The following DLGAP2 variants were observed in gnomAD, a reference collection of about 807,000 sequenced individuals.
The protein encoded by DLGAP2 is disks large-associated protein 2.
A neutral mutation model predicts 100.3 loss-of-function variants in DLGAP2; 26 were observed. The ratio of observed to expected loss-of-function variants is 0.26; its 90% CI spans 0.19 to 0.36. The LOEUF (loss-of-function observed/expected upper bound fraction) is 0.36, where lower values mean the gene tolerates loss of function less well. Ranked by LOEUF, DLGAP2 falls within the 10% of genes least tolerant of loss-of-function variation. DLGAP2 has a pLI of 1.00. For missense variants in DLGAP2, 1,858 were observed against 1,453.2 expected, an observed-to-expected ratio of 1.28 and a Z score of -4.53; for synonymous variants, 886 against 630.1, an observed-to-expected ratio of 1.41 and a Z score of -6.08.
At chr8:855,418 T>C (rs573530521) in intron 1 of DLGAP2, among the ~76,000 whole-genome samples, 1 of 152,230 alleles carries the variant, frequency 6.6e-6, no homozygotes, top group South Asian at 2.1e-4. Context: ...GCTGAATGAA[T>C]GAATGAGTGA....
At chr8:1,369,694 C>T (rs1328051638) in intron 3 of DLGAP2, 2 of 152,266 alleles carry the variant, frequency 1.3e-5, no homozygotes, top group African/African-American at 4.8e-5. Flanking sequence ...TATCTAGGCT[C>T]TTAGGAAGGC....
chr8:1,346,429 C>G (rs554814523), intron 3 of DLGAP2, among the ~76,000 whole-genome samples: 3 of 147,900 alleles, frequency 2.0e-5, no homozygotes, highest in Admixed American at 6.7e-5. Context: ...GTTGAGTTCC[C>G]TGTACACATC....
intron 2 of DLGAP2, among the ~76,000 whole-genome samples, chr8:1,255,613 G>A (rs1799183491): frequency 7.6e-6 from 1 of 131,966 alleles, no homozygotes; most frequent in Admixed American, 7.5e-5. Context: ...GTCCTCTCTT[G>A]CCTGGGTGCT....
At chr8:1,667,322 G>A (rs1341403617) in intron 8 of DLGAP2, among the ~76,000 whole-genome samples, 2 of 152,104 alleles carry the variant, frequency 1.3e-5, no homozygotes, top group Non-Finnish European at 2.9e-5. Flanking sequence ...CATCATCTCC[G>A]GATGCATTTA....
intron 8 of DLGAP2, among the ~76,000 whole-genome samples, chr8:1,648,903 G>T (rs1798102522): frequency 6.6e-6 from 1 of 152,198 alleles, no homozygotes; most frequent in Non-Finnish European, 1.5e-5. Context: ...GGGAAGAATT[G>T]TGGGGAAAAC....
intron 8 of DLGAP2, among the ~76,000 whole-genome samples, chr8:1,667,662 C>T (rs1172406564): frequency 2.2e-4 from 33 of 152,242 alleles, no homozygotes; most frequent in Admixed American, 2.2e-3. Context: ...TTAACATCTT[C>T]AGGTGCTGGT....
chr8:1,264,078 C>T (rs1585205343), intron 3 of DLGAP2, among the ~76,000 whole-genome samples: 3 of 152,252 alleles, frequency 2.0e-5, no homozygotes, highest in Admixed American at 6.5e-5. Context: ...ACTGAGTTGA[C>T]CCCTGTCCCA....
chr8:1,657,420 A>G (rs1244924027), intron 8 of DLGAP2, among the ~76,000 whole-genome samples: 1 of 152,280 alleles, frequency 6.6e-6, no homozygotes, highest in African/African-American at 2.4e-5. Flanking sequence ...AATGAAGACG[A>G]TTATTATCAC....
intron 3 of DLGAP2, among the ~76,000 whole-genome samples, chr8:1,324,867 G>A (rs1170389652): frequency 6.6e-6 from 1 of 152,150 alleles, no homozygotes; most frequent in Non-Finnish European, 1.5e-5. Context: ...TTTTCTTGCT[G>A]CAGAGAGCAC....
chr8:1,004,085 C>T (rs534282214), intron 2 of DLGAP2, among the ~76,000 whole-genome samples: 12 of 152,232 alleles, frequency 7.9e-5, no homozygotes, highest in Middle Eastern at 3.4e-3. Context: ...GGATTGTTTC[C>T]GATCTTTTGG....
At chr8:1,388,898 C>G (rs1480466534) in intron 3 of DLGAP2, among the ~76,000 whole-genome samples, 4 of 126,976 alleles carry the variant, frequency 3.2e-5, no homozygotes, top group Non-Finnish European at 4.9e-5. Flanking sequence ...AGTGTCAGGG[C>G]TGTGAGAGGC....
chr8:1,392,701 A>G (rs1159375014), intron 3 of DLGAP2, among the ~76,000 whole-genome samples: 1 of 152,192 alleles, frequency 6.6e-6, no homozygotes, highest in African/African-American at 2.4e-5. Flanking sequence ...CTGGGTCAGC[A>G]CATCTGCGTT....
At chr8:1,233,864 C>T (rs79143704) in intron 2 of DLGAP2, among the ~76,000 whole-genome samples, 4,143 of 152,240 alleles carry the variant, frequency 0.027, 77 homozygotes, top group African/African-American at 0.042. Flanking sequence ...CCACTGTCCT[C>T]TACACATGAT....
At chr8:1,186,614 A>C (rs1052308883) in intron 2 of DLGAP2, among the ~76,000 whole-genome samples, 2 of 151,828 alleles carry the variant, frequency 1.3e-5, no homozygotes, top group Non-Finnish European at 2.9e-5. Context: ...GTGTCTTCTG[A>C]GCTGATACTC....
At chr8:1,242,527 C>T (rs1036251125) in intron 2 of DLGAP2, among the ~76,000 whole-genome samples, 1 of 152,238 alleles carries the variant, frequency 6.6e-6, no homozygotes, top group Non-Finnish European at 1.5e-5. Context: ...CCTCTTCAAT[C>T]CTGCTGAGGT....
At chr8:1,336,680 G>T (rs543896307) in intron 3 of DLGAP2, among the ~76,000 whole-genome samples, 2 of 152,164 alleles carry the variant, frequency 1.3e-5, no homozygotes, top group African/African-American at 4.8e-5. Context: ...AACGTGTCTT[G>T]CTTCTGTTGA....
In DLGAP2 at chr8:1,698,146, C is replaced by A. The variant is rs554714122; in HGVS notation, c.2949+847C>A. On this transcript the variant is annotated intron_variant, in intron 14 of 14. Transcript: ENST00000637795. Reference sequence around the variant, plus strand: ...TCATCGGCTCCTCCCAGAAGGTGCCCTGGCCACTAGTGGAGTTCCAGGCCA... The same window carrying A: ...TCATCGGCTCCTCCCAGAAGGTGCCATGGCCACTAGTGGAGTTCCAGGCCA... Among the ~76,000 whole-genome samples, 5 of 152,322 alleles carry A rather than the reference C, an allele frequency of 3.3e-5. No individual in the cohort carries two copies. In the East Asian group the frequency reaches 9.6e-4, roughly 29 times the overall value.
intron 1 of DLGAP2, among the ~76,000 whole-genome samples, chr8:868,015 A>G (rs1797530179): frequency 6.6e-6 from 1 of 152,366 alleles, no homozygotes; most frequent in East Asian, 1.9e-4. Flanking sequence ...TTCATCCATC[A>G]TGCATCCATT....
At chr8:1,392,359 G>A (rs973192036) in intron 3 of DLGAP2, among the ~76,000 whole-genome samples, 4 of 152,128 alleles carry the variant, frequency 2.6e-5, no homozygotes, top group African/African-American at 4.8e-5. Flanking sequence ...GCACTCCCAC[G>A]GGGAGGGCTT....
Sources: allele counts gnomAD v4.1 joint callset (sites outside exome capture counted in the v4.1 genomes callset), GRCh38; gene constraint gnomAD v4.1.1; transcripts MANE v1.5; gene names NCBI Gene and HGNC (gene_info 2026-07-23, HGNC 2026-07-21).